The following GALNT14 variants were observed in gnomAD, a reference collection of about 807,000 sequenced individuals.
GALNT14 encodes the protein UDP-GalNAc:polypeptide N-acetylgalactosaminyltransferase 14.
GALNT14 carries 60 observed loss-of-function variants against 77.5 expected under a neutral mutation model. The observed-to-expected ratio is 0.77, with a 90% CI of 0.63 to 0.96. GALNT14 has a LOEUF of 0.96. GALNT14 is among the 40% of genes least tolerant of loss of function. GALNT14 has a pLI of 0.00. For synonymous variants in GALNT14, 280 were observed against 281.7 expected (o/e 0.99, Z 0.06); for missense variants, 710 against 731.0 (o/e 0.97, Z 0.33).
At chr2:30,929,361 G>C in intron 11 of GALNT14, 34 bp downstream of exon 11, 1 of 1,561,280 alleles carries the variant, frequency 6.4e-7, no homozygotes, top group Non-Finnish European at 8.8e-7. Flanking sequence ...CTCTTTTGCA[G>C]TCTCTGCCCT....
At chr2:30,962,156 C>T (rs6725963) in intron 3 of GALNT14, among the ~76,000 whole-genome samples, 42,996 of 152,096 alleles carry the variant, frequency 0.28, 8,299 homozygotes, top group East Asian at 0.54. Flanking sequence ...TCAGGCTCAC[C>T]ATATGCCAGG....
At chr2:30,950,627 A>G (rs997916589) in intron 6 of GALNT14, among the ~76,000 whole-genome samples, 1 of 152,218 alleles carries the variant, frequency 6.6e-6, no homozygotes, top group Non-Finnish European at 1.5e-5. Flanking sequence ...GAGTCTTAGC[A>G]AAAACCTCTG....
chr2:31,036,767 G>A, intron 1 of GALNT14, among the ~76,000 whole-genome samples: 1 of 152,138 alleles, frequency 6.6e-6, no homozygotes, highest in East Asian at 1.9e-4. Flanking sequence ...AGTCTCTACT[G>A]AATATGAAAT....
In GALNT14 at chr2:30,932,092, T is replaced by C; in HGVS notation, c.1034A>G (p.Asp345Gly). Residue 345 changes from aspartate (D) to glycine (G), a missense_variant, in exon 10 of 15, where the codon GAT (aspartate) becomes GGT (glycine). Transcript: ENST00000349752. ...FRKKHPYVFP[D>G]GNANTYIKNT... The stretch of plus-strand genomic sequence containing the variant: ...CTTTATATACGTGTTGGCATTTCCA[T>C]CAGGGAAAACGTAGGGGTGCTTCTT... 1 of 1,573,938 alleles carries C rather than the reference T, an allele frequency of 6.4e-7. No individual in the cohort carries two copies. The highest frequency in any genetic ancestry group is 8.6e-7 in the Non-Finnish European group (1 of 1,159,480).
At chr2:31,011,176 A>G (rs915900167) in intron 1 of GALNT14, among the ~76,000 whole-genome samples, 1 of 152,212 alleles carries the variant, frequency 6.6e-6, no homozygotes, top group African/African-American at 2.4e-5. Flanking sequence ...CTCTCCCTCA[A>G]CTGAGAGTTA....
At chr2:31,078,816 G>T in intron 1 of GALNT14, 1 of 825,304 alleles carries the variant, frequency 1.2e-6, no homozygotes, top group Non-Finnish European at 1.7e-6. Context: ...ACAAGATGAA[G>T]GCAAGGGGCG....
At chr2:31,049,270 T>G (rs767010896) in intron 1 of GALNT14, among the ~76,000 whole-genome samples, 6 of 152,294 alleles carry the variant, frequency 3.9e-5, no homozygotes, top group Admixed American at 3.9e-4. Context: ...TGGTATCCCA[T>G]GCAAGCTCAC....
At chr2:30,992,182 G>A (rs577829611) in intron 2 of GALNT14, among the ~76,000 whole-genome samples, 20 of 152,124 alleles carry the variant, frequency 1.3e-4, no homozygotes, top group Admixed American at 1.3e-4. Flanking sequence ...AGGGTCGGTC[G>A]TGAGGCAGAA....
chr2:31,003,664 T>C (rs1023966286), intron 1 of GALNT14, among the ~76,000 whole-genome samples: 3 of 152,334 alleles, frequency 2.0e-5, no homozygotes, highest in African/African-American at 4.8e-5. Flanking sequence ...CCACATGCAT[T>C]ACAACTTTGG....
chr2:30,977,654 A>G (rs1341776012), intron 2 of GALNT14, among the ~76,000 whole-genome samples: 2 of 152,170 alleles, frequency 1.3e-5, no homozygotes, highest in African/African-American at 2.4e-5. Context: ...AACTCCAGGA[A>G]TGTGCTAGAC....
Position 31,019,353 on chromosome 2 carries a change from T to C in GALNT14, c.130-26346A>G, listed in dbSNP as rs4377372. 2.5e-3 allele frequency among the ~76,000 whole-genome samples: 376 copies of C among 152,314 alleles called. 12 individuals are homozygous for C. In the South Asian group the frequency reaches 0.05, roughly 20 times the overall value. The stretch of plus-strand genomic sequence containing the variant: ...TGAGTGGGTTTTGCTTTAATTTTCA[T>C]TTGAAAGGAAGCCTTCTTTCCAGAA... On this transcript the variant is annotated intron_variant, in intron 1 of 14. Coordinates refer to ENST00000349752, the MANE Select transcript of GALNT14 (RefSeq NM_024572.4).
intron 1 of GALNT14, among the ~76,000 whole-genome samples, chr2:31,026,172 C>A (rs924117957): frequency 6.6e-6 from 1 of 152,202 alleles, no homozygotes; most frequent in African/African-American, 2.4e-5. Flanking sequence ...AAGGACATTT[C>A]TTCCAGTAAG....
intron 1 of GALNT14, among the ~76,000 whole-genome samples, chr2:31,135,650 C>G (rs935450152): frequency 6.6e-6 from 1 of 152,192 alleles, no homozygotes; most frequent in Non-Finnish European, 1.5e-5. Context: ...GCAACTGGTT[C>G]AAAACTAGAA....
At chr2:31,129,961 A>G (rs1678895584) in intron 1 of GALNT14, among the ~76,000 whole-genome samples, 2 of 152,306 alleles carry the variant, frequency 1.3e-5, no homozygotes, top group South Asian at 4.1e-4. Context: ...TTGCAAGAGC[A>G]GGATCATTAG....
intron 1 of GALNT14, chr2:31,126,725 T>C (rs1464042405): frequency 6.6e-6 from 1 of 152,274 alleles, no homozygotes; most frequent in African/African-American, 2.4e-5. Context: ...AGATGTACCA[T>C]GGGGCTACTA....
At chr2:30,909,052 T>A (rs1378495897), downstream of GALNT14, among the ~76,000 whole-genome samples, 439 of 151,056 alleles carry the variant, frequency 2.9e-3, 1 homozygote, top group African/African-American at 0.01. Flanking sequence ...TTATACAAAA[T>A]TCAATTCAAG....
chr2:30,975,522 T>C (rs1668579436), intron 2 of GALNT14, among the ~76,000 whole-genome samples: 1 of 152,244 alleles, frequency 6.6e-6, no homozygotes, highest in Admixed American at 6.5e-5. Flanking sequence ...ATTGATCACA[T>C]GTCAAAATGT....
chr2:30,905,238 A>C, the GALNT14 span, among the ~76,000 whole-genome samples: 1 of 152,214 alleles, frequency 6.6e-6, no homozygotes, highest in Non-Finnish European at 1.5e-5. Context: ...TGAGAGAAGA[A>C]GCCTTCAGAC....
At chr2:31,130,169 A>C (rs1295634344) in intron 1 of GALNT14, among the ~76,000 whole-genome samples, 1 of 152,244 alleles carries the variant, frequency 6.6e-6, no homozygotes, top group South Asian at 2.1e-4. Context: ...GCACGCAGAA[A>C]AGGCTTTGTA....
Sources: gnomAD v4.1 joint callset for allele counts (sites outside exome capture counted in the v4.1 genomes callset) on GRCh38, gnomAD v4.1.1 for gene constraint, MANE v1.5 for transcripts, NCBI Gene and HGNC (gene_info 2026-07-23, HGNC 2026-07-21) for gene names.